TRPC6: variants seen among roughly 807,000 people sequenced by gnomAD.
TRPC6 encodes the protein transient receptor potential cation channel subfamily C member 6.
In TRPC6, 55 loss-of-function variants were observed where a neutral mutation model predicts 90.7. The observed-to-expected ratio is 0.61, with a 90% confidence interval of 0.49 to 0.76. TRPC6 has a LOEUF of 0.76. TRPC6 is among the 30% of genes least tolerant of loss of function. TRPC6 has a pLI of 0.00. For synonymous variants in TRPC6, 393 were observed against 393.0 expected (o/e 1.00, Z 0.00); for missense variants, 989 against 1,122.7 (o/e 0.88, Z 1.70).
At chr11:101,528,701 G>A (rs1035116031) in intron 1 of TRPC6, among the ~76,000 whole-genome samples, 6 of 152,056 alleles carry the variant, frequency 3.9e-5, no homozygotes, top group African/African-American at 1.4e-4. Flanking sequence ...CTTAGCCTGT[G>A]CATATCTGAA....
intron 1 of TRPC6, among the ~76,000 whole-genome samples, chr11:101,511,102 C>G (rs958875995): frequency 1.3e-5 from 2 of 152,120 alleles, no homozygotes; most frequent in Non-Finnish European, 2.9e-5. Flanking sequence ...TTATTACATG[C>G]ACAATTATCA....
intron 10 of TRPC6, among the ~76,000 whole-genome samples, chr11:101,457,095 A>G (rs563468388): frequency 6.6e-6 from 1 of 152,296 alleles, no homozygotes; most frequent in South Asian, 2.1e-4. Flanking sequence ...AGAAAATTCA[A>G]TTTGAAAATT....
At chr11:101,469,234 A>G (rs368843266) in intron 10 of TRPC6, among the ~76,000 whole-genome samples, 193 bp downstream of exon 10, 3 of 152,182 alleles carry the variant, frequency 2.0e-5, no homozygotes, top group African/African-American at 4.8e-5. Context: ...TGTACATGCT[A>G]TTCTTTTTTG....
chr11:101,469,598 T>G, intron 9 of TRPC6, 97 bp from the exon 10 acceptor site: 1 of 648,222 alleles, frequency 1.5e-6, no homozygotes. Flanking sequence ...CTCCAACAAG[T>G]TTTAATGAGA....
chr11:101,514,117 C>T (rs1860461284), intron 1 of TRPC6, among the ~76,000 whole-genome samples: 1 of 152,126 alleles, frequency 6.6e-6, no homozygotes, highest in Non-Finnish European at 1.5e-5. Context: ...TTTCAGACAT[C>T]ATTATCAACC....
intron 5 of TRPC6, among the ~76,000 whole-genome samples, chr11:101,478,462 T>C (rs559970128): frequency 1.3e-5 from 2 of 152,272 alleles, no homozygotes; most frequent in South Asian, 2.1e-4. Context: ...TGCAGTCTAG[T>C]TGTTTTCAAA....
intron 10 of TRPC6, 48 bp downstream of exon 10, chr11:101,469,379 A>G (rs770688115): frequency 4.1e-6 from 3 of 735,556 alleles, no homozygotes; most frequent in East Asian, 2.5e-5. Context: ...CTTTGAAAAG[A>G]TAAGCCCGAT....
chr11:101,509,181 C>G (rs569180720), intron 1 of TRPC6, among the ~76,000 whole-genome samples: 144 of 151,318 alleles, frequency 9.5e-4, no homozygotes, highest in Non-Finnish European at 1.0e-3. Context: ...TTACTATAGC[C>G]GCAACCTCCC....
intron 1 of TRPC6, among the ~76,000 whole-genome samples, chr11:101,556,024 G>C (rs1270699995): frequency 6.6e-6 from 1 of 152,104 alleles, no homozygotes; most frequent in Non-Finnish European, 1.5e-5. Flanking sequence ...TGAGGCAAAT[G>C]AAAGTGGAAA....
Position 101,483,117 on chromosome 11 carries a change from C to T in TRPC6, c.1342G>A (p.Ala448Thr). Residue 448 changes from alanine to threonine, a missense_variant, in exon 5 of 13, where the codon GCC becomes ACC. This residue lies in a region of TRPC6 where 486 missense variants were observed against 591.9 expected (regional missense o/e 0.82). Coordinates refer to ENST00000344327, the MANE Select transcript of TRPC6 (RefSeq NM_004621.6). ...GPFMKFVAHA[A>T]SFTIFLGLLV... Reference sequence around the variant, plus strand: ...AGTCCCAGAAAAATGGTGAAGGAGGCTGCGTGTGCTACAAACTTCATGAAT... The same window carrying T: ...AGTCCCAGAAAAATGGTGAAGGAGGTTGCGTGTGCTACAAACTTCATGAAT... 1.2e-6 allele frequency: 2 copies of T among 1,614,026 alleles called. No individual in the cohort carries two copies. The highest frequency in any genetic ancestry group is 1.7e-6 in the Non-Finnish European group (2 of 1,179,956).
chr11:101,578,559 T>C (rs987185206), intron 1 of TRPC6, among the ~76,000 whole-genome samples: 14 of 152,184 alleles, frequency 9.2e-5, no homozygotes, highest in African/African-American at 3.1e-4. Flanking sequence ...CAAAACCCTC[T>C]TGAAGTCAAT....
intron 1 of TRPC6, among the ~76,000 whole-genome samples, chr11:101,568,719 TAAAC>T (rs1241656674): frequency 8.5e-5 from 13 of 152,254 alleles, no homozygotes; most frequent in Non-Finnish European, 1.6e-4. Flanking sequence ...TCAACATTCT[TAAAC>T]AAACAATTTT....
rs957732525 is a variant in TRPC6 at position 101,583,978 on chromosome 11, C to G, written c.-475G>C. The G allele has an allele frequency of 6.5e-6, 1 of 154,432 alleles. No homozygotes were observed. The highest frequency in any genetic ancestry group is 2.4e-5 in the African/African-American group (1 of 41,558). 9.6% of individuals were successfully genotyped at this position (154,432 alleles called of 1,614,324 possible). The stretch of plus-strand genomic sequence containing the variant: ...GTTCTAGAAAGCAGCCAAAGCCTGT[C>G]CTGTAGCCACAACTTTCAGGAGGCG... On this transcript the variant is annotated 5_prime_UTR_variant, in exon 1 of 13. Transcript: ENST00000344327.
At chr11:101,527,743 A>G (rs1480482157) in intron 1 of TRPC6, among the ~76,000 whole-genome samples, 1 of 152,164 alleles carries the variant, frequency 6.6e-6, no homozygotes, top group Non-Finnish European at 1.5e-5. Flanking sequence ...AAAATTCATG[A>G]TAGTACAAAC....
At chr11:101,534,947 A>G (rs953173632) in intron 1 of TRPC6, among the ~76,000 whole-genome samples, 7 of 152,158 alleles carry the variant, frequency 4.6e-5, no homozygotes, top group Non-Finnish European at 1.0e-4. Flanking sequence ...ACATCACCTG[A>G]GGTCAAGGGT....
At chr11:101,500,840 AAAG>A (rs1013384398) in intron 2 of TRPC6, among the ~76,000 whole-genome samples, 70 of 152,284 alleles carry the variant, frequency 4.6e-4, no homozygotes, top group African/African-American at 1.6e-3. Flanking sequence ...TCTGAACATT[AAAG>A]AAGATGTTGT....
chr11:101,573,344 A>G (rs1862005560), intron 1 of TRPC6, among the ~76,000 whole-genome samples: 1 of 152,200 alleles, frequency 6.6e-6, no homozygotes, highest in Admixed American at 6.5e-5. Context: ...CAAATAAACA[A>G]AACAGTCAAA....
intron 10 of TRPC6, among the ~76,000 whole-genome samples, chr11:101,460,207 T>G (rs115709804): frequency 0.011 from 1,631 of 152,294 alleles, 21 homozygotes; most frequent in African/African-American, 0.036. Context: ...CTGTATATTA[T>G]ATGAAGTCAG....
intron 1 of TRPC6, among the ~76,000 whole-genome samples, chr11:101,561,869 T>C (rs1044585726): frequency 1.1e-4 from 16 of 150,744 alleles, no homozygotes; most frequent in African/African-American, 3.6e-4. Flanking sequence ...TATTTATACA[T>C]ATTAGTTTAT....
Sources: gnomAD v4.1 joint callset for allele counts (sites outside exome capture counted in the v4.1 genomes callset) on GRCh38, gnomAD v4.1.1 for gene constraint, gnomAD v4.1.1 regional missense constraint, MANE v1.5 for transcripts, NCBI Gene and HGNC (gene_info 2026-07-23, HGNC 2026-07-21) for gene names.